The following KCNAB1 variants were observed in gnomAD, a reference collection of about 807,000 sequenced individuals.
The protein encoded by KCNAB1 is potassium voltage-gated channel subfamily A regulatory beta subunit 1.
In KCNAB1, 35 loss-of-function variants were observed where a neutral mutation model predicts 64.6. The observed-to-expected ratio is 0.54, with a 90% CI of 0.41 to 0.72. KCNAB1 has a LOEUF of 0.72. KCNAB1 is among the 30% of genes least tolerant of loss of function. The pLI is 0.00. For synonymous variants in KCNAB1, 177 were observed against 183.8 expected (o/e 0.96, Z 0.30); for missense variants, 401 against 512.9 (o/e 0.78, Z 2.11).
chr3:156,412,184 G>A (rs13324876), intron 1 of KCNAB1, among the ~76,000 whole-genome samples: 48,457 of 152,072 alleles, frequency 0.32, 10,895 homozygotes, highest in African/African-American at 0.64. Context: ...CCAATCAGTA[G>A]TTTATTCCTA....
At chr3:156,324,498 T>G (rs1722851305) in intron 1 of KCNAB1, among the ~76,000 whole-genome samples, 1 of 152,120 alleles carries the variant, frequency 6.6e-6, no homozygotes, top group South Asian at 2.1e-4. Context: ...GACACCTCAT[T>G]TATTCATGCA....
In KCNAB1 at chr3:156,387,018, T is replaced by C. The variant is rs866518531; in HGVS notation, c.276-34598T>C. ...GCTTGCTTGCTTTCTCTCTCTCTTTTTTTTTTTTTTTTTTTTGCCTGTATG... is the reference window on the plus strand; with the variant it reads ...GCTTGCTTGCTTTCTCTCTCTCTTTCTTTTTTTTTTTTTTTTGCCTGTATG... On this transcript the variant is annotated intron_variant, in intron 1 of 13. Coordinates refer to ENST00000490337, the MANE Select transcript of KCNAB1 (RefSeq NM_172160.3). Among the ~76,000 whole-genome samples the C allele has an allele frequency of 6.5e-4, 89 of 136,192 alleles. 1 individual carries two copies. The highest frequency in any genetic ancestry group is 2.4e-3 in the African/African-American group (77 of 32,548). The allele number at this position is 136,192 out of a possible 152,430, so 89.3% of individuals were successfully genotyped here.
intron 1 of KCNAB1, among the ~76,000 whole-genome samples, chr3:156,177,926 C>T (rs1231002026): frequency 1.3e-5 from 2 of 151,846 alleles, no homozygotes; most frequent in East Asian, 1.9e-4. Context: ...TTAGTAGAGA[C>T]GGGGTTTCAC....
At chr3:156,273,578 G>A (rs1007899029) in intron 1 of KCNAB1, 18 of 456,458 alleles carry the variant, frequency 3.9e-5, no homozygotes, top group Non-Finnish European at 7.1e-5. Context: ...ATGCCATGCA[G>A]CTGCTGCTGT....
At chr3:156,417,762 A>G (rs1715181243) in intron 1 of KCNAB1, among the ~76,000 whole-genome samples, 2 of 152,074 alleles carry the variant, frequency 1.3e-5, no homozygotes, top group Non-Finnish European at 1.5e-5. Flanking sequence ...AAGTGAGGCT[A>G]GGAATTACAT....
intron 1 of KCNAB1, among the ~76,000 whole-genome samples, chr3:156,127,605 C>T (rs1713732931): frequency 6.6e-6 from 1 of 152,154 alleles, no homozygotes; most frequent in South Asian, 2.1e-4. Context: ...GAGAAAGTTA[C>T]AGCATTCTAG....
intron 7 of KCNAB1, among the ~76,000 whole-genome samples, chr3:156,472,794 C>T (rs1215816345): frequency 1.3e-5 from 2 of 152,194 alleles, no homozygotes; most frequent in African/African-American, 4.8e-5. Flanking sequence ...GGGATGAAGA[C>T]TGTGTCTGTG....
intron 13 of KCNAB1, among the ~76,000 whole-genome samples, chr3:156,532,396 C>T (rs1284028290): frequency 6.6e-6 from 1 of 152,160 alleles, no homozygotes; most frequent in Non-Finnish European, 1.5e-5. Context: ...GCCCTAGGAA[C>T]GATCCTGCCC....
In KCNAB1 at chr3:156,515,132, G is replaced by T; in HGVS notation, c.777G>T (p.Met259Ile). Residue 259 changes from methionine to isoleucine, a missense_variant, in exon 10 of 14, where the codon ATG (methionine) becomes ATT (isoleucine). Met to Ile is a conservative substitution (Grantham distance 10). Transcript: ENST00000490337. ...EAYSVARQFN[M>I]IPPVCEQAEY... ...ATTCTGTAGCAAGACAGTTCAATAT[G>T]ATCCCACCGGTCTGTGAACAAGCTG... 1 of 1,613,320 alleles carries T rather than the reference G, an allele frequency of 6.2e-7. No homozygotes were observed. Among genetic ancestry groups the T allele is most frequent in the Non-Finnish European group, 8.5e-7 (1 of 1,179,556 alleles).
At chr3:156,306,013 C>A (rs976204750) in intron 1 of KCNAB1, among the ~76,000 whole-genome samples, 25 of 152,162 alleles carry the variant, frequency 1.6e-4, no homozygotes, top group African/African-American at 5.6e-4. Flanking sequence ...GCAATGGAAG[C>A]AACATGGCTT....
chr3:156,372,715 G>A (rs1418878518), intron 1 of KCNAB1, among the ~76,000 whole-genome samples: 1 of 152,214 alleles, frequency 6.6e-6, no homozygotes, highest in East Asian at 1.9e-4. Context: ...AGAGGACACT[G>A]TAGACAAAGA....
chr3:156,126,658 C>A (rs1393764217), intron 1 of KCNAB1, among the ~76,000 whole-genome samples: 1 of 152,156 alleles, frequency 6.6e-6, no homozygotes, highest in East Asian at 1.9e-4. Flanking sequence ...TCTGGGTAAG[C>A]CCCTTGCCTG....
intron 1 of KCNAB1, among the ~76,000 whole-genome samples, chr3:156,241,260 C>G (rs1717146741): frequency 6.6e-6 from 1 of 152,184 alleles, no homozygotes. Context: ...TTTAAACTTT[C>G]CTTAGTGTTC....
chr3:156,339,175 A>G (rs574606115), intron 1 of KCNAB1, among the ~76,000 whole-genome samples: 22 of 152,262 alleles, frequency 1.4e-4, no homozygotes, highest in African/African-American at 4.8e-4. Context: ...GGAGGAATGC[A>G]TGTGTAGTCC....
At chr3:156,223,752 G>A (rs922290882) in intron 1 of KCNAB1, among the ~76,000 whole-genome samples, 1 of 152,208 alleles carries the variant, frequency 6.6e-6, no homozygotes, top group Admixed American at 6.5e-5. Context: ...CAAACCTTGA[G>A]CTAGATACAG....
intron 1 of KCNAB1, among the ~76,000 whole-genome samples, chr3:156,355,784 T>G (rs763444436): frequency 5.3e-5 from 8 of 152,082 alleles, no homozygotes; most frequent in Non-Finnish European, 1.2e-4. Flanking sequence ...TCCCATTATT[T>G]TATTATTCTA....
At chr3:156,134,206 A>G (rs751829036) in intron 1 of KCNAB1, among the ~76,000 whole-genome samples, 1 of 152,238 alleles carries the variant, frequency 6.6e-6, no homozygotes, top group African/African-American at 2.4e-5. Flanking sequence ...GGGCTATTAA[A>G]GCATATGGAT....
chr3:156,447,379 C>T (rs1028631757), intron 2 of KCNAB1, among the ~76,000 whole-genome samples: 2 of 151,962 alleles, frequency 1.3e-5, no homozygotes, highest in African/African-American at 4.8e-5. Context: ...GAAATAATTA[C>T]CAGTTTTGTT....
At chr3:156,410,548 A>T (rs1714575210) in intron 1 of KCNAB1, among the ~76,000 whole-genome samples, 1 of 152,206 alleles carries the variant, frequency 6.6e-6, no homozygotes. Flanking sequence ...TATGGAGTTT[A>T]ATAAATGCAC....
Sources: allele counts gnomAD v4.1 joint callset (sites outside exome capture counted in the v4.1 genomes callset), GRCh38; gene constraint gnomAD v4.1.1; transcripts MANE v1.5; gene names NCBI Gene and HGNC (gene_info 2026-07-23, HGNC 2026-07-21).